Variants in TMEM132D observed in about 807,000 individuals in gnomAD.
TMEM132D encodes transmembrane protein 132D.
Under a neutral mutation model 62.3 loss-of-function variants are expected in TMEM132D, and 21 were observed. The observed-to-expected ratio is 0.34, with a 90% confidence interval of 0.24 to 0.49. The LOEUF is 0.49. TMEM132D is among the 20% of genes least tolerant of loss of function. TMEM132D has a pLI of 0.99. For synonymous variants in TMEM132D, 621 were observed against 575.6 expected (o/e 1.08, Z -1.13); for missense variants, 1,346 against 1,402.8 (o/e 0.96, Z 0.65).
chr12:129,624,390 T>G (rs1472728261), intron 2 of TMEM132D, among the ~76,000 whole-genome samples: 3 of 152,188 alleles, frequency 2.0e-5, no homozygotes, highest in African/African-American at 7.2e-5. Context: ...GTGAAGACTT[T>G]TATGAAGAGC....
chr12:129,544,190 C>T (rs2137100230), intron 2 of TMEM132D, among the ~76,000 whole-genome samples: 1 of 152,282 alleles, frequency 6.6e-6, no homozygotes, highest in Non-Finnish European at 1.5e-5. Context: ...TGGTATTGAA[C>T]ATTTTTTCAC....
intron 4 of TMEM132D, among the ~76,000 whole-genome samples, chr12:129,264,747 G>A (rs1057241616): frequency 7.9e-5 from 12 of 152,188 alleles, no homozygotes; most frequent in Non-Finnish European, 1.5e-4. Context: ...GAAAAGGAAC[G>A]AATTAACAGC....
At chr12:129,671,807 A>G (rs1033044721) in intron 2 of TMEM132D, among the ~76,000 whole-genome samples, 3 of 152,208 alleles carry the variant, frequency 2.0e-5, no homozygotes, top group East Asian at 3.9e-4. Flanking sequence ...GTCCTTGATC[A>G]GACCTTGAAA....
chr12:129,807,082 AAAAAG>A (rs1470909250), intron 1 of TMEM132D, among the ~76,000 whole-genome samples: 2 of 149,648 alleles, frequency 1.3e-5, no homozygotes, highest in Non-Finnish European at 1.5e-5. Flanking sequence ...TTGCCAAATG[AAAAAG>A]AAAATGAGAG....
chr12:129,465,388 A>G (rs1873851612), intron 3 of TMEM132D, among the ~76,000 whole-genome samples: 1 of 152,204 alleles, frequency 6.6e-6, no homozygotes, highest in African/African-American at 2.4e-5. Context: ...AACTGGCACA[A>G]GACAGGGATG....
intron 2 of TMEM132D, among the ~76,000 whole-genome samples, chr12:129,539,869 A>G (rs1397164117): frequency 6.6e-6 from 1 of 152,182 alleles, no homozygotes; most frequent in East Asian, 1.9e-4. Context: ...GAAACGGGCT[A>G]GCCACCTGCC....
At chr12:129,658,211 A>G (rs1880144023) in intron 2 of TMEM132D, among the ~76,000 whole-genome samples, 1 of 152,212 alleles carries the variant, frequency 6.6e-6, no homozygotes, top group African/African-American at 2.4e-5. Context: ...TCAGTAATCC[A>G]GTAAACCCCT....
At chr12:129,849,327 A>C (rs1254869545) in intron 1 of TMEM132D, among the ~76,000 whole-genome samples, 5 of 152,154 alleles carry the variant, frequency 3.3e-5, no homozygotes, top group African/African-American at 4.8e-5. Context: ...ATACATGCCT[A>C]AATACCAAAA....
chr12:129,893,426 C>T (rs1205726524), intron 1 of TMEM132D, among the ~76,000 whole-genome samples: 3 of 109,236 alleles, frequency 2.7e-5, no homozygotes, highest in African/African-American at 1.1e-4. Flanking sequence ...TGCTCAGCTT[C>T]CATCCATTCA....
intron 3 of TMEM132D, among the ~76,000 whole-genome samples, chr12:129,530,433 A>G (rs1876182620): frequency 1.3e-5 from 2 of 152,216 alleles, no homozygotes; most frequent in Non-Finnish European, 2.9e-5. Flanking sequence ...GGAAAGTGCA[A>G]TAAAACAAGA....
Position 129,605,587 on chromosome 12 carries a change from T to TTGTATATATATA in TMEM132D, c.969-74383_969-74382insTATATATATACA, listed in dbSNP as rs1555221320. Among the ~76,000 whole-genome samples, 4 of 107,366 alleles carry TTGTATATATATA rather than the reference T, an allele frequency of 3.7e-5. 1 individual carries two copies. Among genetic ancestry groups the TTGTATATATATA allele is most frequent in the African/African-American group, 1.6e-4 (4 of 25,722 alleles). 70.4% of individuals were successfully genotyped at this position (107,366 alleles called of 152,430 possible). ...TTAAATTATTATGGGAAATTAGGCA[T>TTGTATATATATA]TATATATATATATATATACACACAC... On this transcript the variant is annotated intron_variant, in intron 2 of 8. Transcript: ENST00000422113.
chr12:129,174,662 C>A (rs1877850103), intron 5 of TMEM132D, among the ~76,000 whole-genome samples: 1 of 152,272 alleles, frequency 6.6e-6, no homozygotes, highest in East Asian at 1.9e-4. Context: ...ATATTGTCTT[C>A]CACAATGGTT....
intron 5 of TMEM132D, among the ~76,000 whole-genome samples, chr12:129,148,139 G>A (rs1876966592): frequency 6.6e-6 from 1 of 152,062 alleles, no homozygotes; most frequent in South Asian, 2.1e-4. Context: ...TGAGCTTATT[G>A]AGGGCAAGCA....
chr12:129,264,567 G>A (rs148262892), intron 4 of TMEM132D, among the ~76,000 whole-genome samples: 15 of 152,270 alleles, frequency 9.9e-5, no homozygotes, highest in Non-Finnish European at 1.9e-4. Flanking sequence ...CCACTACTGA[G>A]TATCTACCCC....
chr12:129,516,488 GA>G (rs376054639), intron 3 of TMEM132D, among the ~76,000 whole-genome samples: 12 of 152,320 alleles, frequency 7.9e-5, no homozygotes, highest in South Asian at 2.1e-4. Context: ...CATGGTGGCA[GA>G]CAGGAGAGAA....
intron 3 of TMEM132D, among the ~76,000 whole-genome samples, chr12:129,520,310 C>T (rs1875812688): frequency 6.6e-6 from 1 of 152,176 alleles, no homozygotes; most frequent in African/African-American, 2.4e-5. Context: ...CTCTGGGGTG[C>T]ATACGTCTCT....
intron 2 of TMEM132D, among the ~76,000 whole-genome samples, chr12:129,566,610 T>C (rs1877374663): frequency 6.6e-6 from 1 of 152,182 alleles, no homozygotes; most frequent in Admixed American, 6.6e-5. Context: ...TACCCACTAA[T>C]ATATTTCTTG....
chr12:129,141,027 T>G (rs1876726864), intron 5 of TMEM132D, among the ~76,000 whole-genome samples: 2 of 152,148 alleles, frequency 1.3e-5, no homozygotes, highest in Admixed American at 6.5e-5. Context: ...AGGCCCTGCA[T>G]TTTGGCTTGG....
At chr12:129,621,993 G>T (rs1879084511) in intron 2 of TMEM132D, among the ~76,000 whole-genome samples, 1 of 152,170 alleles carries the variant, frequency 6.6e-6, no homozygotes, top group South Asian at 2.1e-4. Context: ...AAGGAGAGAA[G>T]GTTGTGCTCC....
Sources: allele counts gnomAD v4.1 joint callset (sites outside exome capture counted in the v4.1 genomes callset), GRCh38; gene constraint gnomAD v4.1.1; transcripts MANE v1.5; gene names NCBI Gene and HGNC (gene_info 2026-07-23, HGNC 2026-07-21).